The following PLS1 variants were observed in gnomAD, a reference collection of about 807,000 sequenced individuals.
PLS1 encodes the protein plastin 1, also known as plastin-1.
PLS1 carries 32 observed loss-of-function variants against 73.7 expected under a neutral mutation model. The ratio of observed to expected loss-of-function variants is 0.43; its 90% CI spans 0.33 to 0.58. The LOEUF (loss-of-function observed/expected upper bound fraction) is 0.58, where lower values mean the gene tolerates loss of function less well. Among genes scored for constraint, PLS1 ranks in the 20% least tolerant of loss-of-function variants. The probability of loss-of-function intolerance (pLI) is 0.04; values close to 1 mark genes in which losing one functional copy is unlikely to be tolerated. For missense variants in PLS1, 633 were observed against 740.5 expected, an observed-to-expected ratio of 0.85 and a Z score of 1.68; for synonymous variants, 217 against 261.3, an observed-to-expected ratio of 0.83 and a Z score of 1.63.
rs187726946 is a variant in PLS1, at chr3:142,689,193, G to T, written c.982-425G>T. 3.8e-4 allele frequency among the ~76,000 whole-genome samples: 58 copies of T among 152,264 alleles called. No individual in the cohort carries two copies. In the East Asian group the frequency reaches 0.01, roughly 27 times the overall value. On this transcript the variant is annotated intron_variant, in intron 9 of 15. Transcript: ENST00000457734. ...TCACGGCTATAATCCCAGCACTTTG[G>T]GAGGCCGAGGTGGGCGGATCAGGAG... is the stretch of plus-strand genomic sequence containing the variant.
At position 142,684,131 on chromosome 3, in the gene PLS1, A is replaced by C; in HGVS notation, c.705A>C (p.Lys235Asn). The C allele has an allele frequency of 1.9e-6, 3 of 1,614,144 alleles. No individual in the cohort carries two copies. Among genetic ancestry groups the C allele is most frequent in the Non-Finnish European group, 2.5e-6 (3 of 1,180,000 alleles). ...LVLGLLWQII[K>N]VGLFADIEIS... is the part of the protein sequence containing the mutation. ...TGGGACTTCTCTGGCAGATCATCAAAGTTGGCCTTTTTGCTGATATTGAGA... is the reference window on the plus strand; with the variant it reads ...TGGGACTTCTCTGGCAGATCATCAACGTTGGCCTTTTTGCTGATATTGAGA... Residue 235 changes from lysine to asparagine, a missense_variant, in exon 7 of 16, where the codon AAA (lysine) becomes AAC (asparagine). Lys to Asn is a moderately conservative substitution (Grantham distance 94). Coordinates refer to ENST00000457734, the MANE Select transcript of PLS1 (RefSeq NM_001145319.2).
chr3:142,643,159 G>C (rs1488205095), intron 1 of PLS1, among the ~76,000 whole-genome samples: 1 of 152,184 alleles, frequency 6.6e-6, no homozygotes, highest in East Asian at 1.9e-4. Flanking sequence ...AAAAGCTGTT[G>C]AGATGGAGGT....
At chr3:142,656,975 G>A (rs11715610) in intron 1 of PLS1, 94,604 of 152,118 alleles carry the variant, frequency 0.62, 30,245 homozygotes, top group African/African-American at 0.75. Flanking sequence ...GATATTCTTT[G>A]AAGCAACTTT....
At chr3:142,601,985 A>G (rs147042084) in intron 1 of PLS1, among the ~76,000 whole-genome samples, 166 of 152,266 alleles carry the variant, frequency 1.1e-3, no homozygotes, top group African/African-American at 3.3e-3. Flanking sequence ...CAAAAATGCA[A>G]AGCTCTTTCT....
At chr3:142,656,545 T>C (rs2037241298) in intron 1 of PLS1, 1 of 152,238 alleles carries the variant, frequency 6.6e-6, no homozygotes, top group Non-Finnish European at 1.5e-5. Context: ...TGATATGGAA[T>C]ATGAATACTT....
chr3:142,634,814 A>C (rs773778308), intron 1 of PLS1, among the ~76,000 whole-genome samples: 30 of 152,174 alleles, frequency 2.0e-4, no homozygotes, highest in Non-Finnish European at 3.8e-4. Context: ...TAAACAGATA[A>C]GATTTCTTAT....
intron 1 of PLS1, among the ~76,000 whole-genome samples, chr3:142,647,768 A>G (rs2036990153): frequency 6.6e-6 from 1 of 151,866 alleles, no homozygotes; most frequent in African/African-American, 2.4e-5. Flanking sequence ...TCATTTTTTC[A>G]GCCAATTGGT....
intron 1 of PLS1, among the ~76,000 whole-genome samples, chr3:142,604,406 C>A (rs185325620): frequency 6.6e-6 from 1 of 152,220 alleles, no homozygotes; most frequent in East Asian, 1.9e-4. Context: ...TTCCCCTCTC[C>A]CCAGGTTTAA....
chr3:142,614,167 C>T (rs2036172080), intron 1 of PLS1, among the ~76,000 whole-genome samples: 1 of 152,196 alleles, frequency 6.6e-6, no homozygotes, highest in African/African-American at 2.4e-5. Flanking sequence ...TGTACAATTA[C>T]AGCTTCATGA....
chr3:142,644,364 C>T (rs1269287310), intron 1 of PLS1, among the ~76,000 whole-genome samples: 1 of 152,098 alleles, frequency 6.6e-6, no homozygotes, highest in Non-Finnish European at 1.5e-5. Context: ...GATTCTCCTA[C>T]CTCAGCCTCC....
At chr3:142,603,311 G>C (rs1444089434) in intron 1 of PLS1, among the ~76,000 whole-genome samples, 1 of 152,146 alleles carries the variant, frequency 6.6e-6, no homozygotes, top group Non-Finnish European at 1.5e-5. Context: ...GAAAGGGTGA[G>C]GAGTTAGATG....
rs115962093 is a variant in PLS1 at position 142,661,247 on chromosome 3, A to C, written c.-36-2955A>C. ...TAAAGCTTTCTAAAGGTGAGAATCCAATGAAATGAGTATTTAATGCTAAGA... is the reference window on the plus strand; with the variant it reads ...TAAAGCTTTCTAAAGGTGAGAATCCCATGAAATGAGTATTTAATGCTAAGA... On this transcript the variant is annotated intron_variant, in intron 1 of 15. Transcript: ENST00000457734. 6.6e-4 allele frequency among the ~76,000 whole-genome samples: 100 copies of C among 152,352 alleles called. 2 individuals carry two copies. The highest frequency in any genetic ancestry group is 2.3e-3 in the African/African-American group (96 of 41,590).
chr3:142,612,754 T>C (rs1349868927), intron 1 of PLS1, among the ~76,000 whole-genome samples: 1 of 152,094 alleles, frequency 6.6e-6, no homozygotes, highest in Admixed American at 6.6e-5. Context: ...TTATTTAACT[T>C]TGAGCCTGTT....
In PLS1 at chr3:142,712,027, G is replaced by T. The variant is rs3773505; in HGVS notation, c.*20G>T. ...AAATAATCATTTCATATGATTTTCT[G>T]CCACATTAAACATATTGTATGCCTC... On this transcript the variant is annotated 3_prime_UTR_variant, in exon 16 of 16. Coordinates refer to ENST00000457734, the MANE Select transcript of PLS1 (RefSeq NM_001145319.2). The T allele has an allele frequency of 4.0e-4, 644 of 1,607,904 alleles. 10 individuals are homozygous for T. The East Asian group carries it at 0.013, about 33-fold the overall frequency.
chr3:142,680,659 C>A (rs2037832815), intron 6 of PLS1, among the ~76,000 whole-genome samples: 1 of 152,134 alleles, frequency 6.6e-6, no homozygotes, highest in African/African-American at 2.4e-5. Context: ...TTTATACTTA[C>A]CACACTTTCC....
intron 1 of PLS1, among the ~76,000 whole-genome samples, chr3:142,653,695 T>C (rs1373201901): frequency 6.6e-6 from 1 of 152,090 alleles, no homozygotes; most frequent in South Asian, 2.1e-4. Flanking sequence ...CAAAGCCATA[T>C]ATGATATATG....
At chr3:142,694,112 C>T (rs901897941) in intron 10 of PLS1, among the ~76,000 whole-genome samples, 9 of 149,608 alleles carry the variant, frequency 6.0e-5, no homozygotes, top group East Asian at 6.0e-4. Context: ...ACCCTGACTG[C>T]GAAAACATTT....
At position 142,690,252 on chromosome 3, in the gene PLS1, ATC is replaced by A. The variant is rs761151211; in HGVS notation, c.1177+441_1177+442del. On this transcript the variant is annotated intron_variant, in intron 10 of 15. Transcript: ENST00000457734. ...TTTGTCTTTTGTGTGGTCTATCGTT[ATC>A]TGTCTCATAATATATAATACTTTCC... is the stretch of plus-strand genomic sequence containing the variant. Among the ~76,000 whole-genome samples the A allele has an allele frequency of 2.6e-5, 4 of 152,278 alleles. No individual in the cohort carries two copies. The East Asian group carries it at 5.8e-4, about 22-fold the overall frequency.
At position 142,698,322 on chromosome 3, in the gene PLS1, AATGT is replaced by A. The variant is rs1376718263; in HGVS notation, c.1371+258_1371+261del. ...TTAATGTTCTTTGAGATGTCCTGTA[AATGT>A]ATTCTTTTTTTACAATTGGTATAAC... On this transcript the variant is annotated intron_variant, in intron 12 of 15. Transcript: ENST00000457734. 1.3e-5 allele frequency: 4 copies of A among 301,442 alleles called. No homozygotes were observed. In the East Asian group the frequency reaches 2.8e-4, roughly 21 times the overall value. The allele number at this position is 301,442 out of a possible 1,614,324, so 18.7% of individuals were successfully genotyped here. A position where few individuals can be genotyped will look rare whatever the true frequency, so the allele number is the denominator to read the frequency against.
Sources: allele counts gnomAD v4.1 joint callset (sites outside exome capture counted in the v4.1 genomes callset), GRCh38; gene constraint gnomAD v4.1.1; transcripts MANE v1.5; gene names NCBI Gene and HGNC (gene_info 2026-07-23, HGNC 2026-07-21).